Variants in HEATR5B observed in about 807,000 individuals in gnomAD.
HEATR5B encodes HEAT repeat-containing protein 5B.
Under a neutral mutation model 224.1 loss-of-function variants are expected in HEATR5B, and 156 were observed. That is an observed-to-expected ratio of 0.70 (90% confidence interval 0.61 to 0.80). The LOEUF (loss-of-function observed/expected upper bound fraction) is 0.80. HEATR5B is among the 30% of genes least tolerant of loss of function. The probability of loss-of-function intolerance (pLI) is 0.00; values close to 1 mark genes in which losing one functional copy is unlikely to be tolerated. For synonymous variants in HEATR5B, 1,027 were observed against 893.0 expected, an observed-to-expected ratio of 1.15 and a Z score of -2.68; for missense variants, 2,323 against 2,535.5, an observed-to-expected ratio of 0.92 and a Z score of 1.80.
intron 12 of HEATR5B, among the ~76,000 whole-genome samples, chr2:37,060,377 T>C (rs887191202): frequency 2.0e-5 from 3 of 152,176 alleles, no homozygotes; most frequent in Admixed American, 1.3e-4. Context: ...GTCTAAACAC[T>C]TTTTCAGAGT....
chr2:37,083,205 A>T lies in HEATR5B; in HGVS notation c.126+84T>A, dbSNP rs1418401348. On this transcript the variant is annotated intron_variant, in intron 2 of 35. Coordinates refer to ENST00000233099, the MANE Select transcript of HEATR5B (RefSeq NM_019024.3). The stretch of plus-strand genomic sequence containing the variant: ...CCATAAGTGACCCATAAACCTTCCA[A>T]AACATAACATGTGTTTTCTTAAGAA... The T allele has an allele frequency of 2.6e-6, 4 of 1,521,210 alleles. No individual in the cohort carries two copies. In the African/African-American group the frequency reaches 4.1e-5, roughly 16 times the overall value. The allele number at this position is 1,521,210 out of a possible 1,614,324, so 94.2% of individuals were successfully genotyped here.
chr2:37,063,041 C>T (rs1285375733), intron 10 of HEATR5B, among the ~76,000 whole-genome samples: 2 of 152,172 alleles, frequency 1.3e-5, no homozygotes, highest in Non-Finnish European at 2.9e-5. Flanking sequence ...CTAAAGTGAT[C>T]CTCCAGCCTC....
At chr2:37,042,433 A>G (rs1212408748) in intron 18 of HEATR5B, among the ~76,000 whole-genome samples, 1 of 152,244 alleles carries the variant, frequency 6.6e-6, no homozygotes, top group Non-Finnish European at 1.5e-5. Context: ...AAGTGCCCCT[A>G]TGAGAGCAAC....
chr2:37,010,298 G>GTTT (rs1388472079), intron 27 of HEATR5B, among the ~76,000 whole-genome samples: 5 of 152,060 alleles, frequency 3.3e-5, no homozygotes, highest in Non-Finnish European at 5.9e-5. Context: ...TAACGAGAAA[G>GTTT]CCTAAGTATG....
chr2:37,013,984 C>A lies in HEATR5B; in HGVS notation c.4141G>T (p.Asp1381Tyr). 4.4e-6 allele frequency: 7 copies of A among 1,607,084 alleles called. No homozygotes were observed. The highest frequency in any genetic ancestry group is 6.0e-6 in the Non-Finnish European group (7 of 1,176,298). The change falls in exon 27 of 36, where the codon GAT (aspartate) becomes TAT (tyrosine). Residue 1381 changes from aspartate to tyrosine, a missense_variant. Physicochemically the swap from Asp to Tyr is radical, Grantham distance 160 (BLOSUM62 -3). Around this residue, in one of 12 missense-constraint regions of HEATR5B, gnomAD observed 339 missense variants for 378.4 expected, o/e 0.90. Coordinates refer to ENST00000233099, the MANE Select transcript of HEATR5B (RefSeq NM_019024.3). ...STWIGSGVVS[D>Y]LNDLRRVHNL... is the part of the protein sequence containing the mutation. ...TGTACTCGACGGAGATCATTGAGAT[C>A]ACTGACAACTCCACTTCCTATCCAT...
intron 3 of HEATR5B, among the ~76,000 whole-genome samples, chr2:37,078,218 G>C (rs1351730378): frequency 6.6e-6 from 1 of 152,190 alleles, no homozygotes; most frequent in Non-Finnish European, 1.5e-5. Flanking sequence ...ACAGATAAGA[G>C]AGGTTAACTA....
chr2:37,038,130 T>C, intron 20 of HEATR5B, 106 bp from the exon 21 acceptor site: 1 of 801,402 alleles, frequency 1.2e-6, no homozygotes, highest in South Asian at 3.6e-5. Context: ...ATCCAATTAT[T>C]ATTCAGGTTT....
chr2:37,077,821 T>C (rs776944172), intron 3 of HEATR5B, among the ~76,000 whole-genome samples: 4 of 152,228 alleles, frequency 2.6e-5, no homozygotes, highest in Admixed American at 1.3e-4. Context: ...CATATTTGCA[T>C]TGCTCACAGT....
At chr2:37,053,840 A>C (rs1329164231) in intron 16 of HEATR5B, among the ~76,000 whole-genome samples, 1 of 151,972 alleles carries the variant, frequency 6.6e-6, no homozygotes, top group Non-Finnish European at 1.5e-5. Flanking sequence ...AAATAAGGTC[A>C]CAATTGCAGT....
chr2:37,041,033 T>G, intron 19 of HEATR5B, 100 bp downstream of exon 19: 3 of 892,532 alleles, frequency 3.4e-6, no homozygotes, highest in Non-Finnish European at 5.1e-6. Flanking sequence ...CTAATATATT[T>G]GTCCTAACAA....
chr2:37,011,778 G>A (rs932911422), intron 27 of HEATR5B, among the ~76,000 whole-genome samples: 26 of 152,066 alleles, frequency 1.7e-4, no homozygotes, highest in African/African-American at 4.1e-4. Context: ...TACAGCTTTC[G>A]AAGACAAAAG....
rs1371787542 is a variant in HEATR5B at position 37,020,650 on chromosome 2, C to G, written c.4035+5G>C. 1 of 1,520,118 alleles carries G rather than the reference C, an allele frequency of 6.6e-7. No homozygotes were observed. The highest frequency in any genetic ancestry group is 8.8e-7 in the Non-Finnish European group (1 of 1,138,692). 94.2% of individuals were successfully genotyped at this position (1,520,118 alleles called of 1,614,324 possible). A position where few individuals can be genotyped will look rare whatever the true frequency, so the allele number is the denominator to read the frequency against. ...TTAAGTTCTTAAATAAATAGAAAAT[C>G]TCACATTAGCCTGATACTGCTCCAG... On this transcript the variant is annotated splice_donor_5th_base_variant and intron_variant, in intron 25 of 35. Transcript: ENST00000233099.
chr2:37,081,048 G>A (rs1672531033), intron 2 of HEATR5B, among the ~76,000 whole-genome samples: 1 of 152,132 alleles, frequency 6.6e-6, no homozygotes, highest in African/African-American at 2.4e-5. Context: ...GTGTTTCAAG[G>A]TGAAAAGATG....
At chr2:37,015,424 C>A (rs886566321) in intron 26 of HEATR5B, among the ~76,000 whole-genome samples, 1 of 151,994 alleles carries the variant, frequency 6.6e-6, no homozygotes. Context: ...TACCATAGAA[C>A]AGAGATGATA....
In HEATR5B at chr2:37,032,772, A is replaced by G; in HGVS notation, c.3218T>C (p.Val1073Ala). 1 of 1,610,862 alleles carries G rather than the reference A, an allele frequency of 6.2e-7. No homozygotes were observed. The highest frequency in any genetic ancestry group is 8.5e-7 in the Non-Finnish European group (1 of 1,179,110). Residue 1073 changes from valine (V) to alanine (A), a missense_variant and splice_region_variant, in exon 22 of 36, where the codon GTT (valine) becomes GCT (alanine). This residue lies in a region of HEATR5B where 88 missense variants were observed against 86.8 expected (regional missense o/e 1.01). Transcript: ENST00000233099. ...TAACAAATGGGAACTACATAAGTGA[A>G]CCTGTAAATCATAACAATGTTAGGC... ...NLSSLVPSLC[V>A]HLCSSHLLLR... is the part of the protein sequence containing the mutation.
chr2:37,079,293 T>C lies in HEATR5B; in HGVS notation c.165A>G (p.Gln55=), dbSNP rs764744839. 5.6e-6 allele frequency: 9 copies of C among 1,611,134 alleles called. No individual in the cohort carries two copies. Among genetic ancestry groups the C allele is most frequent in the South Asian group, 2.2e-5 (2 of 90,098 alleles). ...VKEKQKKLVE[Q]LTGLISSSPG... is the part of the protein sequence containing the mutation. Reference sequence around the variant, plus strand: ...GTGAACTACTTATTAATCCAGTTAATTGTTCAACAAGTTTTTTCTGTTTTT... The same window carrying C: ...GTGAACTACTTATTAATCCAGTTAACTGTTCAACAAGTTTTTTCTGTTTTT... The change falls in exon 3 of 36, where the codon CAA becomes CAG. Residue 55 remains glutamine (Q), a synonymous_variant. Coordinates refer to ENST00000233099, the MANE Select transcript of HEATR5B (RefSeq NM_019024.3).
chr2:37,068,507 ACT>A (rs1671716745), intron 8 of HEATR5B, among the ~76,000 whole-genome samples, 172 bp downstream of exon 8: 1 of 151,956 alleles, frequency 6.6e-6, no homozygotes, highest in African/African-American at 2.4e-5. Flanking sequence ...ATCTTTAAAA[ACT>A]CTATTTCACT....
chr2:37,071,596 A>G (rs771346899), intron 6 of HEATR5B, among the ~76,000 whole-genome samples: 48 of 152,174 alleles, frequency 3.2e-4, no homozygotes, highest in Non-Finnish European at 6.3e-4. Flanking sequence ...TTATGTGCTT[A>G]TATGTCCAGC....
chr2:37,037,215 G>A (rs1169534244), intron 21 of HEATR5B, among the ~76,000 whole-genome samples: 2 of 143,088 alleles, frequency 1.4e-5, no homozygotes, highest in Admixed American at 7.2e-5. Context: ...GTGCGATCTC[G>A]GCTCACTGCA....
Sources: gnomAD v4.1 joint callset for allele counts (sites outside exome capture counted in the v4.1 genomes callset) on GRCh38, gnomAD v4.1.1 for gene constraint, gnomAD v4.1.1 regional missense constraint, MANE v1.5 for transcripts, NCBI Gene and HGNC (gene_info 2026-07-23, HGNC 2026-07-21) for gene names.